Variants in CHL1 observed in about 807,000 individuals in gnomAD.
CHL1 encodes the protein neural cell adhesion molecule L1-like protein.
In CHL1, 96 loss-of-function variants were observed where a neutral mutation model predicts 141.9. That is an observed-to-expected ratio of 0.68 (90% CI 0.57 to 0.80). CHL1 has a LOEUF of 0.80. CHL1 is among the 30% of genes least tolerant of loss of function. The pLI is 0.00. For missense variants in CHL1, 1,820 were observed against 1,457.2 expected, an observed-to-expected ratio of 1.25 and a Z score of -4.05; for synonymous variants, 613 against 502.2, an observed-to-expected ratio of 1.22 and a Z score of -2.95.
At chr3:225,278 A>T (rs946215752) in intron 1 of CHL1, among the ~76,000 whole-genome samples, 3 of 152,242 alleles carry the variant, frequency 2.0e-5, no homozygotes, top group African/African-American at 7.2e-5. Context: ...TGAGCAACTC[A>T]GAATGATCTC....
intron 19 of CHL1, among the ~76,000 whole-genome samples, chr3:385,075 T>G (rs190806361): frequency 6.6e-6 from 1 of 152,236 alleles, no homozygotes; most frequent in Admixed American, 6.5e-5. Context: ...AATGTGTGGT[T>G]ATAGTTACTA....
rs375649514 is a variant in CHL1 at position 203,476 on chromosome 3, C to T, written c.-175+6413C>T. ...GGCTTCCTCTCACCTTCACTTTGTT[C>T]CTTTCTTTTATATAGATCCTACTCC... is the stretch of plus-strand genomic sequence containing the variant. On this transcript the variant is annotated intron_variant, in intron 1 of 27. Transcript: ENST00000256509. Among the ~76,000 whole-genome samples the T allele has an allele frequency of 9.9e-5, 15 of 152,278 alleles. No homozygotes were observed. In the South Asian group the frequency reaches 1.2e-3, roughly 13 times the overall value.
intron 6 of CHL1, among the ~76,000 whole-genome samples, chr3:341,173 T>C (rs1301649095): frequency 6.6e-6 from 1 of 152,190 alleles, no homozygotes; most frequent in African/African-American, 2.4e-5. Flanking sequence ...TAGCTTCATC[T>C]TTCTATTTTA....
At chr3:291,894 TG>T (rs1296011193) in intron 2 of CHL1, among the ~76,000 whole-genome samples, 8 of 152,162 alleles carry the variant, frequency 5.3e-5, no homozygotes, top group Non-Finnish European at 1.2e-4. Context: ...GCAGAAAAAT[TG>T]TCTTTTGCAG....
At chr3:297,929 C>A in intron 2 of CHL1, among the ~76,000 whole-genome samples, 1 of 152,112 alleles carries the variant, frequency 6.6e-6, no homozygotes, top group African/African-American at 2.4e-5. Flanking sequence ...GATAAGGCTT[C>A]AAAATACAAA....
chr3:345,576 T>C (rs892966248), intron 9 of CHL1, among the ~76,000 whole-genome samples: 1 of 152,080 alleles, frequency 6.6e-6, no homozygotes, highest in South Asian at 2.1e-4. Context: ...CTCTGCCTCC[T>C]GGGTTCAAGC....
chr3:259,747 A>G (rs1338917270), intron 2 of CHL1, among the ~76,000 whole-genome samples: 2 of 152,182 alleles, frequency 1.3e-5, no homozygotes, highest in Non-Finnish European at 2.9e-5. Flanking sequence ...CAACGAGTTT[A>G]TTAAATGAAC....
At chr3:235,549 CAGGCATTAGTTCA>C (rs1691883354) in intron 1 of CHL1, among the ~76,000 whole-genome samples, 2 of 152,240 alleles carry the variant, frequency 1.3e-5, no homozygotes, top group Non-Finnish European at 2.9e-5. Flanking sequence ...CTGGTGTGAT[CAGGCATTAGTTCA>C]AGGTGGTATC....
intron 1 of CHL1, among the ~76,000 whole-genome samples, chr3:232,236 CT>C (rs1482413127): frequency 6.6e-6 from 1 of 152,118 alleles, no homozygotes; most frequent in Non-Finnish European, 1.5e-5. Flanking sequence ...TTAATTTGGT[CT>C]TTTGAGTGAC....
At chr3:263,011 C>G (rs945272724) in intron 2 of CHL1, among the ~76,000 whole-genome samples, 1 of 152,166 alleles carries the variant, frequency 6.6e-6, no homozygotes, top group Non-Finnish European at 1.5e-5. Flanking sequence ...GGATCCTTCC[C>G]TAAAGTATTC....
intron 2 of CHL1, among the ~76,000 whole-genome samples, chr3:317,663 A>AG (rs1285691074): frequency 6.6e-6 from 1 of 151,342 alleles, no homozygotes; most frequent in African/African-American, 2.4e-5. Context: ...AGAAAAAAAA[A>AG]AAAACAGGAA....
At position 401,500 on chromosome 3, in the gene CHL1, G is replaced by C. The variant is rs9849001; in HGVS notation, c.3386-126G>C. On this transcript the variant is annotated intron_variant, in intron 26 of 27. Coordinates refer to ENST00000256509, the MANE Select transcript of CHL1 (RefSeq NM_006614.4). ...GTAGGTATAGCCAGAAAAAAATATT[G>C]CCTCACTGGTATCAAAACATTTGAG... 1.2e-3 allele frequency: 708 copies of C among 588,512 alleles called. 7 individuals carry two copies. In the African/African-American group the frequency reaches 0.013, roughly 11 times the overall value. The allele number at this position is 588,512 out of a possible 1,614,324, so 36.5% of individuals were successfully genotyped here.
At chr3:315,345 G>A (rs1700080207) in intron 2 of CHL1, among the ~76,000 whole-genome samples, 1 of 152,094 alleles carries the variant, frequency 6.6e-6, no homozygotes, top group Non-Finnish European at 1.5e-5. Context: ...TCTCATCACT[G>A]CACATCACTT....
chr3:400,490 A>G (rs1709033291), intron 26 of CHL1, among the ~76,000 whole-genome samples: 1 of 151,940 alleles, frequency 6.6e-6, no homozygotes, highest in Non-Finnish European at 1.5e-5. Context: ...AGAAAAAAAA[A>G]ATTAGCATTT....
chr3:212,717 A>G (rs1282617310), intron 1 of CHL1, among the ~76,000 whole-genome samples: 1 of 152,090 alleles, frequency 6.6e-6, no homozygotes, highest in Admixed American at 6.6e-5. Context: ...CCGTCCCTGT[A>G]TCCTTAGAGA....
intron 19 of CHL1, among the ~76,000 whole-genome samples, chr3:385,214 T>A (rs994775109): frequency 6.6e-5 from 10 of 152,180 alleles, no homozygotes; most frequent in Non-Finnish European, 1.2e-4. Flanking sequence ...TGGTTAGATA[T>A]CAGTAATACT....
intron 2 of CHL1, among the ~76,000 whole-genome samples, chr3:289,794 T>C (rs1559206476): frequency 1.3e-5 from 2 of 151,998 alleles, no homozygotes; most frequent in Admixed American, 1.3e-4. Context: ...TAATACATCT[T>C]ATTTAATACA....
At chr3:336,486 G>A (rs1450460039) in intron 5 of CHL1, among the ~76,000 whole-genome samples, 1 of 152,136 alleles carries the variant, frequency 6.6e-6, no homozygotes, top group East Asian at 1.9e-4. Flanking sequence ...GGATTACACA[G>A]CTTAGGTTTT....
At chr3:248,666 C>G (rs1037891490) in intron 2 of CHL1, 15 of 152,108 alleles carry the variant, frequency 9.9e-5, no homozygotes, top group Admixed American at 6.6e-4. Flanking sequence ...TCTTCATAGC[C>G]TTTTTTTAAG....
Sources: allele counts gnomAD v4.1 joint callset (sites outside exome capture counted in the v4.1 genomes callset), GRCh38; gene constraint gnomAD v4.1.1; transcripts MANE v1.5; gene names NCBI Gene and HGNC (gene_info 2026-07-23, HGNC 2026-07-21).